The following SSH3 variants were observed in gnomAD, a reference collection of about 807,000 sequenced individuals.
The protein encoded by SSH3 is slingshot protein phosphatase 3, also known as protein phosphatase Slingshot homolog 3.
In SSH3, 67 loss-of-function variants were observed where a neutral mutation model predicts 75.0. The observed-to-expected ratio is 0.89, with a 90% CI of 0.73 to 1.10. The LOEUF (loss-of-function observed/expected upper bound fraction) is 1.10, where lower values mean the gene tolerates loss of function less well. Ranked by LOEUF, SSH3 falls within the 50% of genes least tolerant of loss-of-function variation. SSH3 has a pLI of 0.00. For missense variants in SSH3, 824 were observed against 872.7 expected (o/e 0.94, Z 0.70); for synonymous variants, 318 against 349.2 (o/e 0.91, Z 1.00).
chr11:67,306,452 T>G (rs539580409), intron 3 of SSH3, among the ~76,000 whole-genome samples: 7 of 152,062 alleles, frequency 4.6e-5, no homozygotes, highest in South Asian at 4.2e-4. Context: ...AACTTAAAAA[T>G]TATCTGGGCA....
Position 67,304,115 on chromosome 11 carries a change from C to G in SSH3, c.67-3C>G. The G allele has an allele frequency of 6.3e-7, 1 of 1,593,268 alleles. No homozygotes were observed. ...CCCTGCCCTGGGGCTGCTCTCTCCG[C>G]AGGACCAGGCGGTCCAGCGAAGGAG... On this transcript the variant is annotated splice_polypyrimidine_tract_variant and splice_region_variant and intron_variant, in intron 1 of 13. Transcript: ENST00000308127.
chr11:67,303,559 G>T lies in SSH3; in HGVS notation c.-67G>T. 1.4e-6 allele frequency: 2 copies of T among 1,476,922 alleles called. No homozygotes were observed. The highest frequency in any genetic ancestry group is 2.5e-5 in the South Asian group (2 of 81,492). 91.5% of individuals were successfully genotyped at this position (1,476,922 alleles called of 1,614,324 possible). On this transcript the variant is annotated 5_prime_UTR_variant, in exon 1 of 14. Transcript: ENST00000308127. ...GTCCTTCCTGGTCCTGCGGGTCCAG[G>T]ACTGTCCGCGGGGTTGAGGGAAGGG... is the stretch of plus-strand genomic sequence containing the variant.
At position 67,311,610 on chromosome 11, in the gene SSH3, C is replaced by T. The variant is rs1861417407; in HGVS notation, c.1703C>T (p.Ser568Phe). The change falls in exon 14 of 14, where the codon TCT (serine) becomes TTT (phenylalanine). Residue 568 changes from serine (S) to phenylalanine (F), a missense_variant. Physicochemically the swap from Ser to Phe is radical, Grantham distance 155. Transcript: ENST00000308127. ...DMPEVFSSHE[S>F]SHEEPLQPFP... ...GTCCAGGTCTTCTCTTCCCACGAGT[C>T]TTCACATGAAGAGCCTCTGCAGCCC... 6.2e-7 allele frequency: 1 copy of T among 1,614,006 alleles called. No individual in the cohort carries two copies. The highest frequency in any genetic ancestry group is 1.1e-5 in the South Asian group (1 of 91,090).
At position 67,309,520 on chromosome 11, in the gene SSH3, G is replaced by A. The variant is rs149398055; in HGVS notation, c.1185G>A (p.Thr395=). The change falls in exon 11 of 14, where the codon ACG becomes ACA. Residue 395 remains threonine, a synonymous_variant. Coordinates refer to ENST00000308127, the MANE Select transcript of SSH3 (RefSeq NM_017857.4). ...AGCTGCTGCCGCACTGGAAGGAGAC[G>A]CACCGCTTCATTGAGGCTGCAAGGT... ...SAQLLPHWKE[T]HRFIEAARAQ... is the part of the protein sequence containing the mutation. 19 of 1,613,862 alleles carry A rather than the reference G, an allele frequency of 1.2e-5. 1 individual carries two copies. Among genetic ancestry groups the A allele is most frequent in the Middle Eastern group, 3.3e-4 (2 of 6,058 alleles).
At chr11:67,305,440 G>A (rs1412644025) in intron 3 of SSH3, among the ~76,000 whole-genome samples, 1 of 152,090 alleles carries the variant, frequency 6.6e-6, no homozygotes, top group Non-Finnish European at 1.5e-5. Context: ...CGCCTGCCTC[G>A]GCCTCCCTAA....
Position 67,307,251 on chromosome 11 carries a change from C to A in SSH3, c.537-120C>A. 6.4e-7 allele frequency: 1 copy of A among 1,557,412 alleles called. No individual in the cohort carries two copies. The highest frequency in any genetic ancestry group is 8.7e-7 in the Non-Finnish European group (1 of 1,152,574). On this transcript the variant is annotated intron_variant, in intron 5 of 13. Transcript: ENST00000308127. The surrounding 1 kb of genome is among the most constrained non-coding windows in gnomAD (Gnocchi z 4.2). ...CCTGCTCCCAGCTCCACGTCAGATT[C>A]ACCGTGATCCTGAGCAAGGCACCTG...
intron 1 of SSH3, 127 bp from the exon 2 acceptor site, chr11:67,303,991 G>A (rs1383525501): frequency 7.9e-7 from 1 of 1,266,216 alleles, no homozygotes; most frequent in African/African-American, 1.5e-5. Context: ...GTGGGGCGTG[G>A]ACTGGGGTGG....
rs1861424951 is a variant in SSH3, at chr11:67,311,911, C to T, written c.*24C>T. Reference sequence around the variant, plus strand: ...GAGCCCTCACACATGCCCACGCTCCCCTGACACTGAAGAGGATCCACAACT... The same window carrying T: ...GAGCCCTCACACATGCCCACGCTCCTCTGACACTGAAGAGGATCCACAACT... On this transcript the variant is annotated 3_prime_UTR_variant, in exon 14 of 14. Coordinates refer to ENST00000308127, the MANE Select transcript of SSH3 (RefSeq NM_017857.4). 2 of 1,601,590 alleles carry T rather than the reference C, an allele frequency of 1.2e-6. No individual in the cohort carries two copies. Among genetic ancestry groups the T allele is most frequent in the South Asian group, 1.1e-5 (1 of 90,308 alleles).
rs775438594 is a variant in SSH3 at position 67,308,030 on chromosome 11, T to A, written c.885+91T>A. ...CCCTCCCCACCTTGCCTGTCTCCAG[T>A]CCTGAGCCATTCCTGGATGCCTTGG... On this transcript the variant is annotated intron_variant, in intron 8 of 13. Transcript: ENST00000308127. This position sits in a 1 kb window ranked among gnomAD's most constrained non-coding sequence, Gnocchi z 4.9. The A allele has an allele frequency of 1.2e-4, 194 of 1,596,210 alleles. No homozygotes were observed. Among genetic ancestry groups the A allele is most frequent in the Non-Finnish European group, 1.6e-4 (188 of 1,169,760 alleles).
At chr11:67,304,015 A>G in intron 1 of SSH3, 103 bp from the exon 2 acceptor site, 1 of 1,403,480 alleles carries the variant, frequency 7.1e-7, no homozygotes, top group African/African-American at 1.4e-5. Context: ...GACGATTGGC[A>G]TCTGGCGCCT....
rs1231874347 is a variant in SSH3 at position 67,307,066 on chromosome 11, G to T, written c.489G>T (p.Leu163=). The change falls in exon 5 of 14, where the codon CTG becomes CTT. Residue 163 remains leucine, a synonymous_variant. Transcript: ENST00000308127. This position sits in a 1 kb window ranked among gnomAD's most constrained non-coding sequence, Gnocchi z 4.2. ...DSSSPSCTLG[L]VLPLWSDTQV... is the part of the protein sequence containing the mutation. ...GCTCCCCCAGCTGCACCCTGGGCCTGGTCTTGCCCCTCTGGAGTGACACCC... is the reference window on the plus strand; with the variant it reads ...GCTCCCCCAGCTGCACCCTGGGCCTTGTCTTGCCCCTCTGGAGTGACACCC... The T allele has an allele frequency of 6.2e-7, 1 of 1,614,130 alleles. No individual in the cohort carries two copies. Among genetic ancestry groups the T allele is most frequent in the Non-Finnish European group, 8.5e-7 (1 of 1,180,020 alleles).
chr11:67,306,785 G>C, intron 3 of SSH3, 53 bp from the exon 4 acceptor site: 1 of 1,551,828 alleles, frequency 6.4e-7, no homozygotes. Flanking sequence ...TGTCTAGGTG[G>C]GGAGCAGGGT....
Position 67,311,797 on chromosome 11 carries a change from G to A in SSH3, c.1890G>A (p.Gln630=). The A allele has an allele frequency of 6.2e-7, 1 of 1,613,726 alleles. No individual in the cohort carries two copies. The highest frequency in any genetic ancestry group is 8.5e-7 in the Non-Finnish European group (1 of 1,179,964). Residue 630 remains glutamine, a synonymous_variant, in exon 14 of 14, where the codon CAG becomes CAA. Transcript: ENST00000308127. ...AGGAGCAGGGGCAGGGGCAGGGGCA[G>A]GGAGAGCCCTGCATTTCCTCTACGC... ...QEQEQGQGQG[Q]GEPCISSTPR...
chr11:67,308,456 C>T lies in SSH3; in HGVS notation c.1059C>T (p.Asn353=), dbSNP rs939724808. The T allele has an allele frequency of 6.3e-7, 1 of 1,592,030 alleles. No homozygotes were observed. The part of the protein sequence containing the change: ...NAANLEELQR[N]RVTHILNMAR... ...CAAACCTGGAGGAGCTGCAGAGGAA[C>T]AGGTAGGGCTATGAGCCCCTCGGGC... The change falls in exon 10 of 14, where the codon AAC becomes AAT. Residue 353 remains asparagine (N), a splice_region_variant and synonymous_variant. Transcript: ENST00000308127. This position sits in a 1 kb window ranked among gnomAD's most constrained non-coding sequence, Gnocchi z 4.9.
chr11:67,311,508 C>T (rs964402398), intron 13 of SSH3, 83 bp from the exon 14 acceptor site: 2 of 1,551,422 alleles, frequency 1.3e-6, no homozygotes, highest in Non-Finnish European at 1.8e-6. Flanking sequence ...GGCACCCCTG[C>T]CCCAGATCTT....
Position 67,307,478 on chromosome 11 carries a change from C to T in SSH3, c.602+42C>T, listed in dbSNP as rs371456919. ...CCTGGACTCAGGCCAGCCTCTCCTTCGAAGGAGGCTGCAGGGCCTGGGGAA... is the reference window on the plus strand; with the variant it reads ...CCTGGACTCAGGCCAGCCTCTCCTTTGAAGGAGGCTGCAGGGCCTGGGGAA... On this transcript the variant is annotated intron_variant, in intron 6 of 13. Coordinates refer to ENST00000308127, the MANE Select transcript of SSH3 (RefSeq NM_017857.4). The surrounding 1 kb of genome is among the most constrained non-coding windows in gnomAD (Gnocchi z 4.2). 8.1e-6 allele frequency: 13 copies of T among 1,613,640 alleles called. No homozygotes were observed. Among genetic ancestry groups the T allele is most frequent in the Admixed American group, 3.3e-5 (2 of 60,012 alleles).
Position 67,303,695 on chromosome 11 carries a change from A to T in SSH3, c.66+4A>T. ...CTCCACGCCCGTGGGGCCCTGGGTGAGTGTGGTCCGGCCGTGGTGCCGCCC... is the reference window on the plus strand; with the variant it reads ...CTCCACGCCCGTGGGGCCCTGGGTGTGTGTGGTCCGGCCGTGGTGCCGCCC... On this transcript the variant is annotated splice_donor_region_variant and intron_variant, in intron 1 of 13. Transcript: ENST00000308127. The T allele has an allele frequency of 1.3e-6, 2 of 1,492,716 alleles. No individual in the cohort carries two copies. The highest frequency in any genetic ancestry group is 2.5e-5 in the South Asian group (2 of 79,758). The allele number at this position is 1,492,716 out of a possible 1,614,324, so 92.5% of individuals were successfully genotyped here. A position where few individuals can be genotyped will look rare whatever the true frequency, so the allele number is the denominator to read the frequency against.
At position 67,310,111 on chromosome 11, in the gene SSH3, A is replaced by G; in HGVS notation, c.1455A>G (p.Pro485=). The change falls in exon 13 of 14, where the codon CCA becomes CCG. Residue 485 remains proline, a synonymous_variant. Transcript: ENST00000308127. Reference sequence around the variant, plus strand: ...AGCAGAAAGTGGGTGGGGTCTCCCCAGAGGAGCACCCAGCCCCTGAAGTCT... The same window carrying G: ...AGCAGAAAGTGGGTGGGGTCTCCCCGGAGGAGCACCCAGCCCCTGAAGTCT... ...VWEQKVGGVS[P]EEHPAPEVST... The G allele has an allele frequency of 6.2e-7, 1 of 1,614,032 alleles. No homozygotes were observed. The highest frequency in any genetic ancestry group is 8.5e-7 in the Non-Finnish European group (1 of 1,180,010).
chr11:67,304,124 G>A lies in SSH3; in HGVS notation c.73G>A (p.Ala25Thr). Residue 25 changes from alanine (A) to threonine (T), a missense_variant, in exon 2 of 14, where the codon GCG becomes ACG. Ala to Thr is a moderately conservative substitution (Grantham distance 58, BLOSUM62 0). Coordinates refer to ENST00000308127, the MANE Select transcript of SSH3 (RefSeq NM_017857.4). ...GGGGCTGCTCTCTCCGCAGGACCAG[G>A]CGGTCCAGCGAAGGAGTCGACTCCA... ...ASTPVGPWDQ[A>T]VQRRSRLQRR... The A allele has an allele frequency of 6.3e-7, 1 of 1,596,918 alleles. No homozygotes were observed. Among genetic ancestry groups the A allele is most frequent in the Non-Finnish European group, 8.5e-7 (1 of 1,176,148 alleles).
Sources: gnomAD v4.1 joint callset for allele counts (sites outside exome capture counted in the v4.1 genomes callset) on GRCh38, gnomAD v4.1.1 for gene constraint, Gnocchi (gnomAD v3.1) non-coding constraint, MANE v1.5 for transcripts, NCBI Gene and HGNC (gene_info 2026-07-23, HGNC 2026-07-21) for gene names.